HOOK2: variants seen among roughly 807,000 people sequenced by gnomAD.
The protein encoded by HOOK2 is protein Hook homolog 2.
A neutral mutation model predicts 111.9 loss-of-function variants in HOOK2; 108 were observed. The observed-to-expected ratio is 0.96, with a 90% CI of 0.83 to 1.13. The LOEUF (loss-of-function observed/expected upper bound fraction) is 1.13, where lower values mean the gene tolerates loss of function less well. HOOK2 is among the 50% of genes most tolerant of loss of function. The pLI, the probability that HOOK2 is intolerant of heterozygous loss-of-function variation, is 0.00. For synonymous variants in HOOK2, 405 were observed against 394.3 expected, an observed-to-expected ratio of 1.03 and a Z score of -0.32; for missense variants, 978 against 951.3, an observed-to-expected ratio of 1.03 and a Z score of -0.37.
Position 12,767,405 on chromosome 19 carries a change from C to T in HOOK2, c.1363G>A (p.Ala455Thr). ...GTGACCCCAGGATACCTGAGCTCCG[C>T]AGGCAGGATCTCTGCGGCTAAGTTA... ...VDNLAAEILP[A>T]ELRETLLRLQ... Residue 455 changes from alanine to threonine, a missense_variant, in exon 14 of 23, where the codon GCG (alanine) becomes ACG (threonine). Around this residue, in one of 5 missense-constraint regions of HOOK2, gnomAD observed 388 missense variants for 358.3 expected, o/e 1.08. Transcript: ENST00000397668. 1 of 1,613,992 alleles carries T rather than the reference C, an allele frequency of 6.2e-7. No homozygotes were observed. The highest frequency in any genetic ancestry group is 1.1e-5 in the South Asian group (1 of 91,080).
At chr19:12,766,379 A>T (rs970729394) in intron 14 of HOOK2, 139 bp from the exon 15 acceptor site, 3 of 1,084,142 alleles carry the variant, frequency 2.8e-6, no homozygotes, top group Non-Finnish European at 3.8e-6. Flanking sequence ...AGCACCGAGG[A>T]CCTACTACGG....
rs766581670 is a variant in HOOK2, at chr19:12,767,446, G to T, written c.1322C>A (p.Thr441Asn). 6.2e-6 allele frequency: 10 copies of T among 1,614,002 alleles called. No individual in the cohort carries two copies. The South Asian group carries it at 1.1e-4, about 18-fold the overall frequency. The change falls in exon 14 of 23, where the codon ACC becomes AAC. Residue 441 changes from threonine (T) to asparagine (N), a missense_variant. Physicochemically the swap from Thr to Asn is moderately conservative, Grantham distance 65. Around this residue, in one of 5 missense-constraint regions of HOOK2, gnomAD observed 388 missense variants for 358.3 expected, o/e 1.08. Coordinates refer to ENST00000397668, the MANE Select transcript of HOOK2 (RefSeq NM_013312.3). ...GGCTAAGTTATCCACGGGTGTGGAG[G>T]TGGGATCCAGTGAGGGATCTGAAGA... ...LTQADPSLDP[T>N]STPVDNLAAE...
chr19:12,773,119 A>G, intron 3 of HOOK2, 75 bp from the exon 4 acceptor site: 1 of 1,389,782 alleles, frequency 7.2e-7, no homozygotes, highest in Admixed American at 1.7e-5. Context: ...TCCTCTCTCC[A>G]CCTCACTTCT....
chr19:12,779,522 G>GT (rs1038506081), upstream of HOOK2, among the ~76,000 whole-genome samples: 2 of 152,114 alleles, frequency 1.3e-5, no homozygotes, highest in Admixed American at 6.6e-5. Flanking sequence ...AATGTGCTAG[G>GT]TTTTTTTGTG....
rs774493022 is a variant in HOOK2, at chr19:12,767,858, G to C, written c.1261C>G (p.Leu421Val). The change falls in exon 13 of 23, where the codon CTG becomes GTG. Residue 421 changes from leucine (L) to valine (V), a missense_variant. Coordinates refer to ENST00000397668, the MANE Select transcript of HOOK2 (RefSeq NM_013312.3). ...RDSLREANEE[L>V]RCAQLQPRGL... is the part of the protein sequence containing the mutation. The stretch of plus-strand genomic sequence containing the variant: ...CGCGGCTGCAGCTGGGCGCAGCGCA[G>C]CTCCTCATTGGCCTCCCGCAAGGAG... 29 of 1,606,962 alleles carry C rather than the reference G, an allele frequency of 1.8e-5. No individual in the cohort carries two copies. In the South Asian group the frequency reaches 3.2e-4, roughly 18 times the overall value.
intron 2 of HOOK2, 29 bp downstream of exon 2, chr19:12,774,783 T>A: frequency 6.2e-7 from 1 of 1,613,232 alleles, no homozygotes; most frequent in Non-Finnish European, 8.5e-7. Flanking sequence ...GGGGACACTT[T>A]TGGGATCCTC....
chr19:12,780,923 A>G (rs1483153919), upstream of HOOK2, among the ~76,000 whole-genome samples: 1 of 145,602 alleles, frequency 6.9e-6, no homozygotes, highest in Non-Finnish European at 1.5e-5. Flanking sequence ...GCTTGCAGTG[A>G]GCGGAGATGG....
In HOOK2 at chr19:12,792,037, G is replaced by T. The variant is rs766988061; in HGVS notation, n.42-17812C>A. 2.5e-6 allele frequency: 4 copies of T among 1,611,030 alleles called. No homozygotes were observed. The Admixed American group carries it at 6.7e-5, about 27-fold the overall frequency. ...AAGCTCGCCTCTTCGGAGCTGGAAC[G>T]CCTGATTGTCCCCAACAGCAACGGC... On this transcript the variant is annotated intron_variant and non_coding_transcript_variant, in intron 3 of 3. Coordinates refer to the HOOK2 transcript ENST00000589765.
chr19:12,771,619 G>A (rs1038868407), intron 7 of HOOK2, 142 bp from the exon 8 acceptor site: 4 of 719,328 alleles, frequency 5.6e-6, no homozygotes, highest in Non-Finnish European at 7.1e-6. Flanking sequence ...GCAGTGGCTC[G>A]CGCCTATAAT....
chr19:12,768,765 G>A (rs1968229186), intron 11 of HOOK2, among the ~76,000 whole-genome samples: 2 of 151,890 alleles, frequency 1.3e-5, no homozygotes, highest in East Asian at 1.9e-4. Context: ...GAGTCACCAC[G>A]CCCAGCTCTC....
chr19:12,781,076 G>C (rs1268323496), upstream of HOOK2, among the ~76,000 whole-genome samples: 1 of 149,124 alleles, frequency 6.7e-6, no homozygotes, highest in Non-Finnish European at 1.5e-5. Context: ...GCCGAGGTGG[G>C]CGGATCAGGA....
intron 10 of HOOK2, among the ~76,000 whole-genome samples, chr19:12,770,574 G>A (rs1213249327): frequency 6.6e-6 from 1 of 151,896 alleles, no homozygotes; most frequent in Non-Finnish European, 1.5e-5. Flanking sequence ...AGTCCTAGAA[G>A]GTACCATGGG....
chr19:12,777,986 C>T (rs1364882396), upstream of HOOK2, among the ~76,000 whole-genome samples: 1 of 152,220 alleles, frequency 6.6e-6, no homozygotes, highest in Non-Finnish European at 1.5e-5. Flanking sequence ...CCTGCTTTGC[C>T]GGCGAGAAAA....
At chr19:12,768,800 C>A (rs1299467327) in intron 11 of HOOK2, among the ~76,000 whole-genome samples, 4 of 150,660 alleles carry the variant, frequency 2.7e-5, no homozygotes, top group South Asian at 4.2e-4. Context: ...TTTTTAATAT[C>A]TTTTACTTTT....
chr19:12,763,234 A>G lies in HOOK2; in HGVS notation c.*48T>C. The G allele has an allele frequency of 6.5e-7, 1 of 1,549,886 alleles. No individual in the cohort carries two copies. Among genetic ancestry groups the G allele is most frequent in the Non-Finnish European group, 8.8e-7 (1 of 1,139,698 alleles). On this transcript the variant is annotated 3_prime_UTR_variant, in exon 23 of 23. Transcript: ENST00000397668. ...CAGTGCTGGGCGCCATGTGAGCTGG[A>G]GGAAGCCAGGGTGGGTGGAGCCCAG...
In HOOK2 at chr19:12,771,148, G is replaced by T. The variant is rs190038764; in HGVS notation, c.761+11C>A. 1.8e-5 allele frequency: 29 copies of T among 1,613,358 alleles called. No individual in the cohort carries two copies. Among genetic ancestry groups the T allele is most frequent in the Non-Finnish European group, 2.5e-5 (29 of 1,179,612 alleles). On this transcript the variant is annotated intron_variant, in intron 9 of 22. Transcript: ENST00000397668. ...CCTGGCTTGCCTGGCCCAGTCCCCA[G>T]CTGACCACACCTGAAGTTCTCCTCC...
At chr19:12,765,190 A>T (rs1201005676) in intron 18 of HOOK2, 109 bp from the exon 19 acceptor site, 1 of 1,052,520 alleles carries the variant, frequency 9.5e-7, no homozygotes, top group Non-Finnish European at 1.5e-6. Flanking sequence ...CTACATGGCC[A>T]CAGAGCCCTC....
intron 3 of HOOK2, 122 bp downstream of exon 3, chr19:12,774,547 A>C: frequency 1.1e-6 from 1 of 941,272 alleles, no homozygotes; most frequent in Non-Finnish European, 1.7e-6. Flanking sequence ...ATGGATGAAC[A>C]AATGGTTGAT....
At position 12,763,175 on chromosome 19, in the gene HOOK2, T is replaced by C. The variant is rs548850948; in HGVS notation, c.*107A>G. The C allele has an allele frequency of 2.6e-6, 2 of 781,248 alleles. No individual in the cohort carries two copies. The highest frequency in any genetic ancestry group is 2.5e-5 in the Admixed American group (1 of 39,448). 48.4% of individuals were successfully genotyped at this position (781,248 alleles called of 1,614,324 possible). On this transcript the variant is annotated 3_prime_UTR_variant, in exon 23 of 23. Coordinates refer to ENST00000397668, the MANE Select transcript of HOOK2 (RefSeq NM_013312.3). ...CTGGGAGAGGGAAGAGCAGAGATCATGGCCTCAAAGCTCTCGAGCACCTGG... is the reference window on the plus strand; with the variant it reads ...CTGGGAGAGGGAAGAGCAGAGATCACGGCCTCAAAGCTCTCGAGCACCTGG...
Sources: allele counts gnomAD v4.1 joint callset (sites outside exome capture counted in the v4.1 genomes callset), GRCh38; gene constraint gnomAD v4.1.1; regional missense constraint gnomAD v4.1.1; transcripts MANE v1.5; gene names NCBI Gene and HGNC (gene_info 2026-07-23, HGNC 2026-07-21).